PDE1A: variants seen among roughly 807,000 people sequenced by gnomAD.
The protein encoded by PDE1A is dual specificity calcium/calmodulin-dependent 3',5'-cyclic nucleotide phosphodiesterase 1A.
Under a neutral mutation model 61.7 loss-of-function variants are expected in PDE1A, and 35 were observed. That is an observed-to-expected ratio of 0.57 (90% confidence interval 0.43 to 0.75). The LOEUF is 0.75. PDE1A is among the 30% of genes least tolerant of loss of function. PDE1A has a pLI of 0.00. For synonymous variants in PDE1A, 232 were observed against 213.2 expected (o/e 1.09, Z -0.77); for missense variants, 597 against 630.6 (o/e 0.95, Z 0.57).
intron 2 of PDE1A, among the ~76,000 whole-genome samples, chr2:182,249,446 G>A (rs958952736): frequency 1.3e-5 from 2 of 152,068 alleles, no homozygotes; most frequent in Non-Finnish European, 2.9e-5. Flanking sequence ...GCAAACCATG[G>A]GGAGAGGAAC....
chr2:182,559,526 T>A, the PDE1A span, among the ~76,000 whole-genome samples: 1 of 152,176 alleles, frequency 6.6e-6, no homozygotes, highest in Non-Finnish European at 1.5e-5. Context: ...TGACATTGCT[T>A]GTATAAACGT....
chr2:182,247,124 T>TAA (rs1410749267), intron 2 of PDE1A, among the ~76,000 whole-genome samples: 6 of 152,184 alleles, frequency 3.9e-5, no homozygotes, highest in Non-Finnish European at 8.8e-5. Flanking sequence ...CTTCATTGCC[T>TAA]TTAGATTAAG....
At chr2:182,320,455 T>C (rs1043854280) in intron 1 of PDE1A, among the ~76,000 whole-genome samples, 8 of 152,132 alleles carry the variant, frequency 5.3e-5, no homozygotes, top group African/African-American at 1.7e-4. Context: ...AGAAATAATA[T>C]TTTCTAAATT....
At chr2:182,570,084 G>A in the PDE1A span, among the ~76,000 whole-genome samples, 66 of 152,244 alleles carry the variant, frequency 4.3e-4, no homozygotes, top group African/African-American at 1.5e-3. Flanking sequence ...CTTCCCTGGG[G>A]TTTGGGGACA....
chr2:182,330,117 G>T (rs1309967126), intron 1 of PDE1A, among the ~76,000 whole-genome samples: 1 of 152,042 alleles, frequency 6.6e-6, no homozygotes, highest in Non-Finnish European at 1.5e-5. Context: ...GCTGAGGTGG[G>T]TGGATCACCT....
chr2:182,246,401 C>CTTTTTTTTTTTTTTTTTTTTTTTT (rs761118177), intron 2 of PDE1A, among the ~76,000 whole-genome samples: 4 of 61,514 alleles, frequency 6.5e-5, no homozygotes, highest in African/African-American at 9.9e-5. Context: ...TTTCTTTTTT[C>CTTTTTTTTTTTTTTTTTTTTTTTT]TTTCTTTTTT....
At chr2:182,676,435 C>CAA in the PDE1A span, among the ~76,000 whole-genome samples, 1,822 of 137,544 alleles carry the variant, frequency 0.013, 22 homozygotes, top group South Asian at 0.054. Flanking sequence ...GCCTACCAAC[C>CAA]AAAAAAAAAA....
intron 2 of PDE1A, among the ~76,000 whole-genome samples, chr2:182,257,967 A>T (rs1334359145): frequency 6.6e-6 from 1 of 152,184 alleles, no homozygotes; most frequent in East Asian, 1.9e-4. Flanking sequence ...GGAGATCGAG[A>T]CCACCCTGGC....
At chr2:182,665,483 C>G in the PDE1A span, among the ~76,000 whole-genome samples, 2 of 152,146 alleles carry the variant, frequency 1.3e-5, no homozygotes, top group Non-Finnish European at 2.9e-5. Context: ...CATCACTGAT[C>G]ATTAGAGAAA....
At chr2:182,557,708 T>G in the PDE1A span, among the ~76,000 whole-genome samples, 2 of 151,714 alleles carry the variant, frequency 1.3e-5, no homozygotes, top group African/African-American at 2.4e-5. Context: ...CAAGACCCTA[T>G]CTCAAAAAAA....
intron 1 of PDE1A, among the ~76,000 whole-genome samples, chr2:182,315,663 A>G (rs1696290526): frequency 6.6e-6 from 1 of 152,284 alleles, no homozygotes; most frequent in South Asian, 2.1e-4. Flanking sequence ...TATTAGAGAA[A>G]AAGATTACAT....
intron 13 of PDE1A, among the ~76,000 whole-genome samples, chr2:182,154,564 A>G (rs984650872): frequency 3.3e-5 from 5 of 152,152 alleles, no homozygotes; most frequent in African/African-American, 1.2e-4. Context: ...ACGGTAGTGA[A>G]TAAGTCTCAC....
At chr2:182,521,216 T>C (rs1260896472) in intron 2 of PDE1A, among the ~76,000 whole-genome samples, 2 of 152,022 alleles carry the variant, frequency 1.3e-5, no homozygotes, top group African/African-American at 2.4e-5. Context: ...TGTAATTTTC[T>C]TTAAAAAAAT....
In PDE1A at chr2:182,275,679, C is replaced by G. The variant is rs544984186; in HGVS notation, c.54-11265G>C. Among the ~76,000 whole-genome samples, 4 of 152,054 alleles carry G rather than the reference C, an allele frequency of 2.6e-5. No individual in the cohort carries two copies. In the East Asian group the frequency reaches 7.8e-4, roughly 30 times the overall value. On this transcript the variant is annotated intron_variant, in intron 1 of 13. Coordinates refer to ENST00000351439, the Ensembl canonical transcript of PDE1A. Reference sequence around the variant, plus strand: ...GTTTAGTTAACTTGCAGATTTTTGTCTGGTGTGAAAAAAAATAATTTTTAT... The same window carrying G: ...GTTTAGTTAACTTGCAGATTTTTGTGTGGTGTGAAAAAAAATAATTTTTAT...
At chr2:182,532,973 A>AAAC in the PDE1A span, among the ~76,000 whole-genome samples, 21 of 148,434 alleles carry the variant, frequency 1.4e-4, no homozygotes, top group African/African-American at 4.5e-4. Context: ...AAAAAAAAAA[A>AAAC]CAATGAATTT....
the PDE1A span, among the ~76,000 whole-genome samples, chr2:182,695,749 A>C: frequency 2.0e-5 from 3 of 152,262 alleles, no homozygotes; most frequent in Admixed American, 2.0e-4. Context: ...AAATACTTGC[A>C]AACAATATAT....
chr2:182,383,350 T>A (rs927244590), intron 1 of PDE1A, among the ~76,000 whole-genome samples: 2 of 152,196 alleles, frequency 1.3e-5, no homozygotes, highest in African/African-American at 4.8e-5. Context: ...ATCTCAAATA[T>A]CATCTTGAGC....
intron 2 of PDE1A, among the ~76,000 whole-genome samples, chr2:182,495,929 G>A (rs1351819950): frequency 6.6e-6 from 1 of 152,184 alleles, no homozygotes; most frequent in Non-Finnish European, 1.5e-5. Flanking sequence ...TCTTCAAAAT[G>A]GCAAAGGCAA....
At chr2:182,636,020 A>T in the PDE1A span, among the ~76,000 whole-genome samples, 1 of 127,428 alleles carries the variant, frequency 7.8e-6, no homozygotes, top group Non-Finnish European at 1.5e-5. Flanking sequence ...CAGTGGCACT[A>T]TCTCGGCTCA....
Sources: gnomAD v4.1 joint callset for allele counts (sites outside exome capture counted in the v4.1 genomes callset) on GRCh38, gnomAD v4.1.1 for gene constraint, MANE v1.5 for transcripts, NCBI Gene and HGNC (gene_info 2026-07-23, HGNC 2026-07-21) for gene names.